The following NEMP2 variants were observed in gnomAD, a reference collection of about 807,000 sequenced individuals.
NEMP2 encodes UPF0571 transmembrane protein.
Under a neutral mutation model 54.2 loss-of-function variants are expected in NEMP2, and 53 were observed. That is an observed-to-expected ratio of 0.98 (90% CI 0.78 to 1.23). The LOEUF is 1.23. Ranked by LOEUF, NEMP2 falls within the 50% of genes most tolerant of loss-of-function variation. The probability of loss-of-function intolerance (pLI) is 0.00; values close to 1 mark genes in which losing one functional copy is unlikely to be tolerated. For missense variants in NEMP2, 455 were observed against 511.3 expected, an observed-to-expected ratio of 0.89 and a Z score of 1.06; for synonymous variants, 197 against 190.3, an observed-to-expected ratio of 1.04 and a Z score of -0.29.
the NEMP2 span, among the ~76,000 whole-genome samples, chr2:190,577,757 C>T: frequency 6.6e-6 from 1 of 152,196 alleles, no homozygotes; most frequent in Admixed American, 6.5e-5. This position sits in a 1 kb window ranked among gnomAD's most constrained non-coding sequence, Gnocchi z 4.8. Context: ...CCTTTAGTCC[C>T]AGCTACTCAG....
At chr2:190,631,336 G>A in the NEMP2 span, among the ~76,000 whole-genome samples, 3 of 152,134 alleles carry the variant, frequency 2.0e-5, no homozygotes, top group Non-Finnish European at 4.4e-5. Flanking sequence ...TGCTACAATC[G>A]TGTTGCATTT....
chr2:190,504,073 A>G (rs966264698), downstream of NEMP2, among the ~76,000 whole-genome samples: 7 of 152,142 alleles, frequency 4.6e-5, no homozygotes, highest in Admixed American at 3.9e-4. The surrounding 1 kb of genome is among the most constrained non-coding windows in gnomAD (Gnocchi z 5.6). Context: ...GGACCTTACA[A>G]TGTTGGGGTT....
the NEMP2 span, among the ~76,000 whole-genome samples, chr2:190,472,918 TG>T: frequency 8.6e-5 from 13 of 151,906 alleles, no homozygotes; most frequent in East Asian, 2.5e-3. Flanking sequence ...CAGAAGAGAG[TG>T]GGGGCCAATA....
the NEMP2 span, among the ~76,000 whole-genome samples, chr2:190,631,515 G>C: frequency 6.6e-6 from 1 of 152,140 alleles, no homozygotes; most frequent in Non-Finnish European, 1.5e-5. Context: ...GTACCAAAGA[G>C]CATATGTTAT....
the NEMP2 span, among the ~76,000 whole-genome samples, chr2:190,586,171 T>A: frequency 6.6e-6 from 1 of 152,182 alleles, no homozygotes; most frequent in Non-Finnish European, 1.5e-5. The surrounding 1 kb of genome is among the most constrained non-coding windows in gnomAD (Gnocchi z 4.5). Context: ...AGCAATAATA[T>A]AAGGACAATA....
At chr2:190,534,426 A>T in intron 1 of NEMP2, 133 bp downstream of exon 1, 1 of 1,226,238 alleles carries the variant, frequency 8.2e-7, no homozygotes, top group Non-Finnish European at 1.0e-6. Flanking sequence ...GGAGACCCCA[A>T]AGCGAGAAAA....
rs188596423 is a variant in NEMP2, at chr2:190,505,172, T to C, written c.*4017A>G. 1.2e-4 allele frequency: 18 copies of C among 152,308 alleles called. No homozygotes were observed. Among genetic ancestry groups the C allele is most frequent in the Non-Finnish European group, 2.6e-4 (18 of 68,034 alleles). The allele number at this position is 152,308 out of a possible 1,614,324, so 9.4% of individuals were successfully genotyped here. ...AGTCACCTCTTGAATGCCTTATCCA[T>C]GGGGTCATTTCCTTCACTTTCTTAA... On this transcript the variant is annotated 3_prime_UTR_variant, in exon 9 of 9. Coordinates refer to ENST00000409150, the MANE Select transcript of NEMP2 (RefSeq NM_001142645.2). This position sits in a 1 kb window ranked among gnomAD's most constrained non-coding sequence, Gnocchi z 5.8.
At chr2:190,545,653 C>A in the NEMP2 span, among the ~76,000 whole-genome samples, 1 of 152,186 alleles carries the variant, frequency 6.6e-6, no homozygotes, top group East Asian at 1.9e-4. Context: ...ATTCTTCAAT[C>A]TATTTTCTTT....
chr2:190,467,320 G>C, the NEMP2 span, among the ~76,000 whole-genome samples: 2 of 152,264 alleles, frequency 1.3e-5, no homozygotes, highest in Admixed American at 6.5e-5. This position sits in a 1 kb window ranked among gnomAD's most constrained non-coding sequence, Gnocchi z 5.5. Flanking sequence ...CTGATGTCCA[G>C]CCAAGGTTAA....
chr2:190,552,011 G>T, the NEMP2 span, among the ~76,000 whole-genome samples: 1 of 152,198 alleles, frequency 6.6e-6, no homozygotes, highest in Non-Finnish European at 1.5e-5. Context: ...CTGGAAGGGA[G>T]CCCGGGCAGG....
At chr2:190,452,820 C>T in the NEMP2 span, among the ~76,000 whole-genome samples, 12 of 152,206 alleles carry the variant, frequency 7.9e-5, no homozygotes, top group Non-Finnish European at 1.5e-4. Flanking sequence ...GGGTTAGCTC[C>T]TCTTAGCAGT....
At chr2:190,583,987 T>C in the NEMP2 span, among the ~76,000 whole-genome samples, 1 of 152,222 alleles carries the variant, frequency 6.6e-6, no homozygotes, top group Non-Finnish European at 1.5e-5. Flanking sequence ...CATATCCCTA[T>C]TGAGGACTGA....
chr2:190,569,214 T>C, the NEMP2 span, among the ~76,000 whole-genome samples: 1 of 152,148 alleles, frequency 6.6e-6, no homozygotes, highest in Non-Finnish European at 1.5e-5. Context: ...ATATAAACAA[T>C]TTTAGAAAGA....
chr2:190,432,990 G>C, the NEMP2 span, among the ~76,000 whole-genome samples: 2 of 152,084 alleles, frequency 1.3e-5, no homozygotes, highest in African/African-American at 4.8e-5. Context: ...AATCAACCAA[G>C]GTTTTAGTTT....
the NEMP2 span, among the ~76,000 whole-genome samples, chr2:190,466,356 T>C: frequency 6.6e-6 from 1 of 152,220 alleles, no homozygotes; most frequent in East Asian, 1.9e-4. Context: ...TCAGTGACTA[T>C]TCAGTAAATA....
chr2:190,450,163 T>C, the NEMP2 span, among the ~76,000 whole-genome samples: 2 of 152,178 alleles, frequency 1.3e-5, no homozygotes, highest in African/African-American at 4.8e-5. Context: ...TAATAGAGTG[T>C]CAGTTTACTG....
the NEMP2 span, among the ~76,000 whole-genome samples, chr2:190,612,051 T>G: frequency 6.6e-6 from 1 of 152,180 alleles, no homozygotes; most frequent in Admixed American, 6.5e-5. Flanking sequence ...ACTGTACATT[T>G]CTTTCCTTTC....
chr2:190,597,409 G>C, the NEMP2 span, among the ~76,000 whole-genome samples: 1 of 152,048 alleles, frequency 6.6e-6, no homozygotes, highest in Non-Finnish European at 1.5e-5. This position sits in a 1 kb window ranked among gnomAD's most constrained non-coding sequence, Gnocchi z 4.7. Context: ...ACTTTTGGCT[G>C]AAGTCTCTTA....
chr2:190,594,757 A>G, the NEMP2 span, among the ~76,000 whole-genome samples: 1 of 152,190 alleles, frequency 6.6e-6, no homozygotes, highest in Non-Finnish European at 1.5e-5. The surrounding 1 kb of genome is among the most constrained non-coding windows in gnomAD (Gnocchi z 5.6). Flanking sequence ...GAACGAATAG[A>G]GTTAGCTGCA....
Sources: allele counts gnomAD v4.1 joint callset (sites outside exome capture counted in the v4.1 genomes callset), GRCh38; gene constraint gnomAD v4.1.1; non-coding constraint Gnocchi (gnomAD v3.1); transcripts MANE v1.5; gene names NCBI Gene and HGNC (gene_info 2026-07-23, HGNC 2026-07-21).